PDE4D: variants seen among roughly 807,000 people sequenced by gnomAD.
PDE4D encodes phosphodiesterase 4D.
PDE4D carries 24 observed loss-of-function variants against 87.4 expected under a neutral mutation model. The ratio of observed to expected loss-of-function variants is 0.27; its 90% CI spans 0.20 to 0.39. PDE4D has a LOEUF of 0.39. Ranked by LOEUF, PDE4D falls within the 10% of genes least tolerant of loss-of-function variation. The pLI is 1.00. For synonymous variants in PDE4D, 384 were observed against 383.2 expected, an observed-to-expected ratio of 1.00 and a Z score of -0.02; for missense variants, 714 against 1,041.0, an observed-to-expected ratio of 0.69 and a Z score of 4.32.
At chr5:59,620,111 A>G (rs974862727) in intron 1 of PDE4D, among the ~76,000 whole-genome samples, 3 of 152,144 alleles carry the variant, frequency 2.0e-5, no homozygotes, top group Admixed American at 2.0e-4. Flanking sequence ...CAGAAATAGG[A>G]TGGAAATGTC....
At chr5:60,426,043 G>A (rs1220584688) in intron 1 of PDE4D, among the ~76,000 whole-genome samples, 1 of 152,214 alleles carries the variant, frequency 6.6e-6, no homozygotes, top group African/African-American at 2.4e-5. Flanking sequence ...AACAGATGCT[G>A]GAGAGGATGT....
intron 1 of PDE4D, among the ~76,000 whole-genome samples, chr5:60,404,161 C>CTTTTTTTTTTTTTTTTTTTTTTTTTTT (rs35780128): frequency 1.7e-5 from 2 of 119,396 alleles, no homozygotes; most frequent in Non-Finnish European, 3.4e-5. Flanking sequence ...TCAGCCAATT[C>CTTTTTTTTTTTTTTTTTTTTTTTTTTT]TTTTTTTTTT....
At chr5:59,784,218 C>T (rs549704454) in intron 1 of PDE4D, among the ~76,000 whole-genome samples, 1 of 150,030 alleles carries the variant, frequency 6.7e-6, no homozygotes, top group South Asian at 2.1e-4. Flanking sequence ...GTACATGTCT[C>T]TGATTCCCAA....
At chr5:59,590,005 A>G (rs1046379674) in intron 1 of PDE4D, among the ~76,000 whole-genome samples, 1 of 152,150 alleles carries the variant, frequency 6.6e-6, no homozygotes, top group Non-Finnish European at 1.5e-5. Flanking sequence ...GCAAAGAAAA[A>G]ACTGTAATTT....
At chr5:59,516,369 C>T (rs1811157941) in intron 1 of PDE4D, among the ~76,000 whole-genome samples, 1 of 152,162 alleles carries the variant, frequency 6.6e-6, no homozygotes, top group South Asian at 2.1e-4. Context: ...CAACACCACA[C>T]CATCACCACT....
At chr5:60,316,521 T>A (rs528110421) in intron 1 of PDE4D, among the ~76,000 whole-genome samples, 29 of 152,202 alleles carry the variant, frequency 1.9e-4, no homozygotes, top group Non-Finnish European at 3.4e-4. Context: ...TCTAACACTA[T>A]GTTGAGTAGG....
At chr5:59,036,872 T>C (rs1758611859) in intron 6 of PDE4D, among the ~76,000 whole-genome samples, 1 of 152,200 alleles carries the variant, frequency 6.6e-6, no homozygotes, top group African/African-American at 2.4e-5. Context: ...GACATAAACA[T>C]TGCTAGAATG....
intron 1 of PDE4D, 150 bp downstream of exon 1, chr5:59,893,018 G>A (rs1751185834): frequency 2.7e-6 from 2 of 744,762 alleles, no homozygotes; most frequent in Non-Finnish European, 4.3e-6. Flanking sequence ...ATAAAGGATA[G>A]GCACACCCCT....
In PDE4D at chr5:59,759,256, T is replaced by C. The variant is rs972310171; in HGVS notation, c.455+133912A>G. Among the ~76,000 whole-genome samples the C allele has an allele frequency of 5.3e-5, 8 of 152,270 alleles. No individual in the cohort carries two copies. The South Asian group carries it at 6.2e-4, about 12-fold the overall frequency. ...AATATTTTTTAAAAAATCAAAGCCA[T>C]GATTTTCATTATTTTAATGAACTTT... On this transcript the variant is annotated intron_variant, in intron 1 of 14. Coordinates refer to ENST00000340635, the MANE Select transcript of PDE4D (RefSeq NM_001104631.2).
intron 4 of PDE4D, 106 bp from the exon 5 acceptor site, chr5:59,180,750 T>A: frequency 9.0e-7 from 1 of 1,112,740 alleles, no homozygotes; most frequent in Non-Finnish European, 1.3e-6. Flanking sequence ...GAATTATTTT[T>A]AAGTTTGGAC....
intron 3 of PDE4D, among the ~76,000 whole-genome samples, chr5:59,901,233 T>A (rs924335621): frequency 3.9e-5 from 6 of 152,120 alleles, no homozygotes; most frequent in African/African-American, 1.4e-4. Flanking sequence ...ATGGGAGAAA[T>A]TAAACATAGG....
chr5:60,007,080 T>C (rs1035897858), intron 2 of PDE4D, among the ~76,000 whole-genome samples: 19 of 151,998 alleles, frequency 1.3e-4, no homozygotes, highest in African/African-American at 4.6e-4. Flanking sequence ...AAAAGGTGCA[T>C]AGAATTTCTA....
chr5:60,424,620 C>T (rs950381468), intron 1 of PDE4D, among the ~76,000 whole-genome samples: 2 of 152,166 alleles, frequency 1.3e-5, no homozygotes, highest in Admixed American at 1.3e-4. Context: ...TGAAAACCAG[C>T]ACAAGACAAG....
At chr5:59,124,048 G>T (rs1330636013) in intron 5 of PDE4D, among the ~76,000 whole-genome samples, 1 of 152,170 alleles carries the variant, frequency 6.6e-6, no homozygotes, top group African/African-American at 2.4e-5. Flanking sequence ...TGTGGAAAAG[G>T]TATAACCTTT....
intron 5 of PDE4D, among the ~76,000 whole-genome samples, chr5:59,143,056 G>A (rs1778135142): frequency 1.3e-5 from 2 of 151,820 alleles, no homozygotes; most frequent in Admixed American, 1.3e-4. Flanking sequence ...ATTCTATAGA[G>A]GAATGAAGTT....
chr5:60,267,911 T>C (rs1036050825), intron 1 of PDE4D, among the ~76,000 whole-genome samples: 2 of 152,202 alleles, frequency 1.3e-5, no homozygotes, highest in African/African-American at 4.8e-5. Context: ...AAGGGCACTC[T>C]TCCACGTTCA....
At chr5:60,281,878 A>C (rs1367689691) in intron 1 of PDE4D, among the ~76,000 whole-genome samples, 1 of 151,948 alleles carries the variant, frequency 6.6e-6, no homozygotes, top group East Asian at 1.9e-4. Flanking sequence ...CTCTACAAAA[A>C]CGTACAAAAT....
intron 1 of PDE4D, among the ~76,000 whole-genome samples, chr5:60,253,685 A>G (rs1422380916): frequency 6.6e-6 from 1 of 151,964 alleles, no homozygotes; most frequent in African/African-American, 2.4e-5. Flanking sequence ...CTTAATTAAT[A>G]TCATTTACAA....
intron 2 of PDE4D, among the ~76,000 whole-genome samples, chr5:60,084,409 C>T (rs959906466): frequency 1.3e-4 from 19 of 151,634 alleles, no homozygotes; most frequent in Middle Eastern, 3.2e-3. Context: ...TGTGTGTGCG[C>T]GCGCGCGTGT....
Sources: gnomAD v4.1 joint callset for allele counts (sites outside exome capture counted in the v4.1 genomes callset) on GRCh38, gnomAD v4.1.1 for gene constraint, MANE v1.5 for transcripts, NCBI Gene and HGNC (gene_info 2026-07-23, HGNC 2026-07-21) for gene names.